VAV3: variants seen among roughly 807,000 people sequenced by gnomAD.
VAV3 encodes vav guanine nucleotide exchange factor 3, also known as guanine nucleotide exchange factor VAV3.
VAV3 carries 94 observed loss-of-function variants against 131.2 expected under a neutral mutation model. That is an observed-to-expected ratio of 0.72 (90% confidence interval 0.61 to 0.85). The LOEUF (loss-of-function observed/expected upper bound fraction) is 0.85, where lower values mean the gene tolerates loss of function less well. Among genes scored for constraint, VAV3 ranks in the 40% least tolerant of loss-of-function variants. The pLI, the probability that VAV3 is intolerant of heterozygous loss-of-function variation, is 0.00. For missense variants in VAV3, 939 were observed against 1,002.7 expected (o/e 0.94, Z 0.86); for synonymous variants, 349 against 342.0 (o/e 1.02, Z -0.22).
At chr1:107,653,882 A>T (rs1475785229) in intron 19 of VAV3, among the ~76,000 whole-genome samples, 1 of 152,086 alleles carries the variant, frequency 6.6e-6, no homozygotes, top group African/African-American at 2.4e-5. Flanking sequence ...TCCCAGGAAC[A>T]TTCCTTCTTA....
At chr1:107,882,629 T>G (rs977976539) in intron 1 of VAV3, among the ~76,000 whole-genome samples, 1 of 152,132 alleles carries the variant, frequency 6.6e-6, no homozygotes, top group African/African-American at 2.4e-5. Context: ...CCTTTCACCA[T>G]ATCTTCTCTA....
intron 9 of VAV3, among the ~76,000 whole-genome samples, chr1:107,764,212 C>T (rs1176520405): frequency 6.6e-6 from 1 of 152,134 alleles, no homozygotes; most frequent in Non-Finnish European, 1.5e-5. Flanking sequence ...CGTGCCACCT[C>T]TCAAACTTTC....
At chr1:107,685,349 C>T (rs529412753) in intron 18 of VAV3, among the ~76,000 whole-genome samples, 1 of 152,306 alleles carries the variant, frequency 6.6e-6, no homozygotes, top group East Asian at 1.9e-4. Flanking sequence ...AATACTAGCA[C>T]TGACTTCATA....
At chr1:107,770,033 T>C (rs1274606651) in intron 6 of VAV3, among the ~76,000 whole-genome samples, 4 of 152,288 alleles carry the variant, frequency 2.6e-5, no homozygotes, top group Admixed American at 6.5e-5. Context: ...CCCAATGTCC[T>C]TGCATGGCCT....
chr1:107,681,723 G>A (rs574264322), intron 19 of VAV3, among the ~76,000 whole-genome samples: 3 of 149,904 alleles, frequency 2.0e-5, no homozygotes, highest in Non-Finnish European at 2.9e-5. Flanking sequence ...GCGCGATCTC[G>A]GCTCACTGCA....
chr1:107,726,403 G>C (rs546593117), intron 15 of VAV3, among the ~76,000 whole-genome samples: 4 of 152,204 alleles, frequency 2.6e-5, no homozygotes, highest in Non-Finnish European at 5.9e-5. Context: ...TTTTCATGGA[G>C]AGGTGTGGAC....
At chr1:107,598,436 T>A (rs922205507) in intron 24 of VAV3, among the ~76,000 whole-genome samples, 2 of 152,234 alleles carry the variant, frequency 1.3e-5, no homozygotes. Context: ...TTGCTATGTG[T>A]TCATGATGTA....
chr1:107,930,505 A>C (rs188618711), intron 1 of VAV3, among the ~76,000 whole-genome samples: 12 of 152,280 alleles, frequency 7.9e-5, no homozygotes, highest in Admixed American at 5.9e-4. Context: ...TAATCAAAGG[A>C]AAATAATTAC....
chr1:107,802,243 G>T (rs1557856457), intron 2 of VAV3, among the ~76,000 whole-genome samples: 1 of 147,190 alleles, frequency 6.8e-6, no homozygotes, highest in African/African-American at 2.5e-5. Context: ...GTTCTAACAG[G>T]GTTTTTTTTG....
intron 1 of VAV3, among the ~76,000 whole-genome samples, chr1:107,880,233 G>A (rs1670701071): frequency 6.6e-6 from 1 of 152,188 alleles, no homozygotes; most frequent in African/African-American, 2.4e-5. Context: ...AAGGATGAGT[G>A]GGAGTCACCT....
At chr1:107,713,675 T>C (rs1289154168) in intron 15 of VAV3, among the ~76,000 whole-genome samples, 3 of 152,172 alleles carry the variant, frequency 2.0e-5, no homozygotes, top group Admixed American at 2.0e-4. Context: ...AGGGTTTTCA[T>C]AAAAGGGAAA....
At chr1:107,585,103 T>A (rs1331829630) in intron 25 of VAV3, among the ~76,000 whole-genome samples, 1 of 152,202 alleles carries the variant, frequency 6.6e-6, no homozygotes, top group African/African-American at 2.4e-5. Flanking sequence ...TTAGGCTCTA[T>A]TGGAGCCCTC....
At position 107,781,639 on chromosome 1, in the gene VAV3, T is replaced by A. The variant is rs1030150331; in HGVS notation, c.322-2147A>T. Among the ~76,000 whole-genome samples the A allele has an allele frequency of 3.3e-5, 5 of 152,166 alleles. No individual in the cohort carries two copies. The East Asian group carries it at 9.6e-4, about 29-fold the overall frequency. On this transcript the variant is annotated intron_variant, in intron 2 of 26. Transcript: ENST00000370056. Reference sequence around the variant, plus strand: ...AGAAGCAAAGGACATGGTGACTAGATGAGCTAATTTACTGACCCCAAAATT... The same window carrying A: ...AGAAGCAAAGGACATGGTGACTAGAAGAGCTAATTTACTGACCCCAAAATT...
At chr1:107,699,544 C>G (rs746985082) in intron 17 of VAV3, among the ~76,000 whole-genome samples, 1 of 152,242 alleles carries the variant, frequency 6.6e-6, no homozygotes, top group Admixed American at 6.5e-5. Flanking sequence ...CCTCTTCTCA[C>G]AGCTCCACTA....
At chr1:107,653,653 C>T (rs1395345871) in intron 19 of VAV3, among the ~76,000 whole-genome samples, 1 of 152,100 alleles carries the variant, frequency 6.6e-6, no homozygotes, top group Non-Finnish European at 1.5e-5. Flanking sequence ...TGGATTCAGA[C>T]ATGAGCAGAG....
At chr1:107,635,185 T>G (rs541663948) in intron 20 of VAV3, among the ~76,000 whole-genome samples, 4,484 of 151,860 alleles carry the variant, frequency 0.03, 237 homozygotes, top group African/African-American at 0.1. Context: ...GTTTATTGCA[T>G]CACTATTCAC....
intron 12 of VAV3, among the ~76,000 whole-genome samples, chr1:107,753,537 T>TATATATAC (rs1663903087): frequency 1.1e-5 from 1 of 90,832 alleles, no homozygotes; most frequent in African/African-American, 3.9e-5. Flanking sequence ...CGTATATATA[T>TATATATAC]ATATATATAT....
intron 2 of VAV3, among the ~76,000 whole-genome samples, chr1:107,825,504 G>T (rs1472537935): frequency 6.6e-6 from 1 of 151,066 alleles, no homozygotes; most frequent in Non-Finnish European, 1.5e-5. Flanking sequence ...AAATTTAAGA[G>T]GAAGGAAATG....
At chr1:107,627,914 A>G (rs1654152380) in intron 20 of VAV3, among the ~76,000 whole-genome samples, 1 of 152,174 alleles carries the variant, frequency 6.6e-6, no homozygotes. Flanking sequence ...AGACCTATGG[A>G]CTGAATGCCT....
Sources: gnomAD v4.1 joint callset for allele counts (sites outside exome capture counted in the v4.1 genomes callset) on GRCh38, gnomAD v4.1.1 for gene constraint, MANE v1.5 for transcripts, NCBI Gene and HGNC (gene_info 2026-07-23, HGNC 2026-07-21) for gene names.